RAB15: variants seen among roughly 807,000 people sequenced by gnomAD.
RAB15 encodes the protein ras-related protein Rab-15.
Under a neutral mutation model 31.8 loss-of-function variants are expected in RAB15, and 13 were observed. That is an observed-to-expected ratio of 0.41 (90% CI 0.27 to 0.65). The LOEUF (loss-of-function observed/expected upper bound fraction) is 0.65, where lower values mean the gene tolerates loss of function less well. Ranked by LOEUF, RAB15 falls within the 30% of genes least tolerant of loss-of-function variation. The probability of loss-of-function intolerance (pLI) is 0.32; values close to 1 mark genes in which losing one functional copy is unlikely to be tolerated. For synonymous variants in RAB15, 100 were observed against 105.6 expected (o/e 0.95, Z 0.33); for missense variants, 220 against 277.3 (o/e 0.79, Z 1.47).
chr14:64,949,088 G>T (rs1210181759), intron 5 of RAB15, among the ~76,000 whole-genome samples: 1 of 152,234 alleles, frequency 6.6e-6, no homozygotes, highest in African/African-American at 2.4e-5. Context: ...TGCCACTGAT[G>T]GCTAGCTGTG....
rs1432469727 is a variant in RAB15 at position 64,955,228 on chromosome 14, C to T, written c.125-2657G>A. 6.6e-6 allele frequency among the ~76,000 whole-genome samples: 1 copy of T among 152,110 alleles called. No homozygotes were observed. Among genetic ancestry groups the T allele is most frequent in the East Asian group, 1.9e-4 (1 of 5,196 alleles). ...AAGTCTATGTCTTCTGAAGGATTTT[C>T]CTTCCTCCCTCCCCGCCCACACAAC... On this transcript the variant is annotated intron_variant, in intron 1 of 6. Coordinates refer to ENST00000533601, the MANE Select transcript of RAB15 (RefSeq NM_001308154.2). This position sits in a 1 kb window ranked among gnomAD's most constrained non-coding sequence, Gnocchi z 4.4.
In RAB15 at chr14:64,951,448, G is replaced by A. The variant is rs946340037; in HGVS notation, c.246+155C>T. ...AGTGAGTGGGCCATGAACAATGGAC[G>A]GACAAATGATCAGTGAACAGCTGAA... On this transcript the variant is annotated intron_variant, in intron 3 of 6. Transcript: ENST00000533601. The surrounding 1 kb of genome is among the most constrained non-coding windows in gnomAD (Gnocchi z 7.2). Among the ~76,000 whole-genome samples, 35 of 152,206 alleles carry A rather than the reference G, an allele frequency of 2.3e-4. No homozygotes were observed. The highest frequency in any genetic ancestry group is 2.1e-4 in the South Asian group (1 of 4,828).
At chr14:64,964,518 C>CAAAAAAAA (rs1257040368) in intron 1 of RAB15, among the ~76,000 whole-genome samples, 1 of 71,932 alleles carries the variant, frequency 1.4e-5, no homozygotes, top group African/African-American at 6.2e-5. Flanking sequence ...GACTCTGTTT[C>CAAAAAAAA]AAAAAAAAAA....
chr14:64,953,050 G>A lies in RAB15; in HGVS notation c.125-479C>T, dbSNP rs1281475295. On this transcript the variant is annotated intron_variant, in intron 1 of 6. Transcript: ENST00000533601. This position sits in a 1 kb window ranked among gnomAD's most constrained non-coding sequence, Gnocchi z 4.6. ...GAAGGGGTCATAGTGCCAGACTGTG[G>A]AGAGAGAGGAGGGCTCTTCCAACCC... 6.6e-6 allele frequency among the ~76,000 whole-genome samples: 1 copy of A among 152,158 alleles called. No individual in the cohort carries two copies. The highest frequency in any genetic ancestry group is 2.4e-5 in the African/African-American group (1 of 41,422).
At position 64,964,379 on chromosome 14, in the gene RAB15, C is replaced by T. The variant is rs138808345; in HGVS notation, c.124+7574G>A. On this transcript the variant is annotated intron_variant, in intron 1 of 6. Transcript: ENST00000533601. ...TGTACTAAAATACAAAAACTTAGCC[C>T]AGCGTGGTGGTGCGTGCCTGTAGTC... 5.3e-5 allele frequency among the ~76,000 whole-genome samples: 8 copies of T among 151,584 alleles called. No homozygotes were observed. In the East Asian group the frequency reaches 1.6e-3, roughly 30 times the overall value.
rs773166082 is a variant in RAB15 at position 64,948,772 on chromosome 14, G to A, written c.415-39C>T. 8 of 1,583,982 alleles carry A rather than the reference G, an allele frequency of 5.1e-6. No individual in the cohort carries two copies. Among genetic ancestry groups the A allele is most frequent in the Non-Finnish European group, 6.9e-6 (8 of 1,153,962 alleles). The stretch of plus-strand genomic sequence containing the variant: ...ACATTTCTGAAAGAGAGTCAGTAAG[G>A]CAGGGGAGGGGCCCATACAACCAGG... On this transcript the variant is annotated intron_variant, in intron 5 of 6. Transcript: ENST00000533601. This position sits in a 1 kb window ranked among gnomAD's most constrained non-coding sequence, Gnocchi z 7.0.
rs949771268 is a variant in RAB15, at chr14:64,955,578, C to A, written c.125-3007G>T. On this transcript the variant is annotated intron_variant, in intron 1 of 6. Transcript: ENST00000533601. This position sits in a 1 kb window ranked among gnomAD's most constrained non-coding sequence, Gnocchi z 4.4. The stretch of plus-strand genomic sequence containing the variant: ...GTGTGTTCACCTATCACTGTCCCCC[C>A]ACTGAAGACTTCAGCTCCAGGGCAC... Among the ~76,000 whole-genome samples the A allele has an allele frequency of 2.0e-5, 3 of 152,120 alleles. No homozygotes were observed. Among genetic ancestry groups the A allele is most frequent in the Non-Finnish European group, 2.9e-5 (2 of 68,022 alleles).
rs949771268 is a variant in RAB15 at position 64,955,578 on chromosome 14, C to G, written c.125-3007G>C. ...GTGTGTTCACCTATCACTGTCCCCC[C>G]ACTGAAGACTTCAGCTCCAGGGCAC... On this transcript the variant is annotated intron_variant, in intron 1 of 6. Coordinates refer to ENST00000533601, the MANE Select transcript of RAB15 (RefSeq NM_001308154.2). The surrounding 1 kb of genome is among the most constrained non-coding windows in gnomAD (Gnocchi z 4.4). 8.5e-5 allele frequency among the ~76,000 whole-genome samples: 13 copies of G among 152,120 alleles called. No homozygotes were observed. Among genetic ancestry groups the G allele is most frequent in the South Asian group, 2.1e-4 (1 of 4,820 alleles).
At chr14:64,959,371 C>T (rs997071556) in intron 1 of RAB15, among the ~76,000 whole-genome samples, 2 of 152,192 alleles carry the variant, frequency 1.3e-5, no homozygotes, top group Non-Finnish European at 2.9e-5. Context: ...GAAGGAAGAC[C>T]TCCTAAACCA....
At chr14:64,961,778 A>G (rs981253899) in intron 1 of RAB15, among the ~76,000 whole-genome samples, 1 of 152,090 alleles carries the variant, frequency 6.6e-6, no homozygotes, top group Non-Finnish European at 1.5e-5. Flanking sequence ...GTGTGGTGGT[A>G]TATACCAGTG....
In RAB15 at chr14:64,954,602, G is replaced by T; in HGVS notation, c.125-2031C>A. ...CTGCACAGTGCTCAGTGCAGACAGA[G>T]CAGTGAAAAAGACATGGCCCCTGCC... On this transcript the variant is annotated intron_variant, in intron 1 of 6. Coordinates refer to ENST00000533601, the MANE Select transcript of RAB15 (RefSeq NM_001308154.2). The surrounding 1 kb of genome is among the most constrained non-coding windows in gnomAD (Gnocchi z 4.3). 3 of 898,258 alleles carry T rather than the reference G, an allele frequency of 3.3e-6. No homozygotes were observed. Among genetic ancestry groups the T allele is most frequent in the Non-Finnish European group, 4.0e-6 (3 of 750,590 alleles). The allele number at this position is 898,258 out of a possible 1,614,324, so 55.6% of individuals were successfully genotyped here. A position where few individuals can be genotyped will look rare whatever the true frequency, so the allele number is the denominator to read the frequency against.
rs530257288 is a variant in RAB15 at position 64,947,517 on chromosome 14, C to G, written c.*837G>C. On this transcript the variant is annotated 3_prime_UTR_variant, in exon 7 of 7. Coordinates refer to ENST00000533601, the MANE Select transcript of RAB15 (RefSeq NM_001308154.2). This position sits in a 1 kb window ranked among gnomAD's most constrained non-coding sequence, Gnocchi z 5.6. ...GGAGGTGACTTTTTATCCCTGCCAC[C>G]CCTCATTTTGTTTCCTTCTCTGAAG... 2.0e-5 allele frequency: 3 copies of G among 152,672 alleles called. No individual in the cohort carries two copies. Among genetic ancestry groups the G allele is most frequent in the Non-Finnish European group, 4.4e-5 (3 of 68,086 alleles). The allele number at this position is 152,672 out of a possible 1,614,324, so 9.5% of individuals were successfully genotyped here.
chr14:64,962,181 C>T lies in RAB15; in HGVS notation c.125-9610G>A, dbSNP rs1269748308. On this transcript the variant is annotated intron_variant, in intron 1 of 6. Transcript: ENST00000533601. The surrounding 1 kb of genome is among the most constrained non-coding windows in gnomAD (Gnocchi z 4.2). ...AGTGAGCCAAGATTGTGCCACTGCACTCCAGCCTGGGGGATACAGTGAGAC... is the reference window on the plus strand; with the variant it reads ...AGTGAGCCAAGATTGTGCCACTGCATTCCAGCCTGGGGGATACAGTGAGAC... Among the ~76,000 whole-genome samples, 1 of 152,190 alleles carries T rather than the reference C, an allele frequency of 6.6e-6. No individual in the cohort carries two copies. Among genetic ancestry groups the T allele is most frequent in the South Asian group, 2.1e-4 (1 of 4,834 alleles).
chr14:64,957,101 TA>T (rs1886618761), intron 1 of RAB15, among the ~76,000 whole-genome samples: 1 of 139,184 alleles, frequency 7.2e-6, no homozygotes, highest in Non-Finnish European at 1.6e-5. Context: ...CATGCCCAGC[TA>T]ATTTTTTTTT....
At chr14:64,967,827 A>T (rs1357575239) in intron 1 of RAB15, among the ~76,000 whole-genome samples, 1 of 152,166 alleles carries the variant, frequency 6.6e-6, no homozygotes, top group Non-Finnish European at 1.5e-5. Context: ...CTGGAGGGAA[A>T]GTAGAACAAC....
chr14:64,966,277 C>G (rs140595595), intron 1 of RAB15, among the ~76,000 whole-genome samples: 13 of 152,142 alleles, frequency 8.5e-5, no homozygotes, highest in Non-Finnish European at 1.9e-4. Flanking sequence ...AGCGCCTGAA[C>G]GACTGAGTGC....
chr14:64,960,667 A>G lies in RAB15; in HGVS notation c.125-8096T>C, dbSNP rs370418781. On this transcript the variant is annotated intron_variant, in intron 1 of 6. Transcript: ENST00000533601. ...AGGGTCTGGCACGCAGAACTTTATT[A>G]AATGTTAGCAGAAGCAGCCGTCAAG... Among the ~76,000 whole-genome samples, 56 of 152,246 alleles carry G rather than the reference A, an allele frequency of 3.7e-4. No homozygotes were observed. In the South Asian group the frequency reaches 0.012, roughly 32 times the overall value.
Position 64,954,625 on chromosome 14 carries a change from G to T in RAB15, c.125-2054C>A. The T allele has an allele frequency of 1.4e-6, 1 of 705,508 alleles. No homozygotes were observed. The highest frequency in any genetic ancestry group is 1.7e-6 in the Non-Finnish European group (1 of 574,298). 43.7% of individuals were successfully genotyped at this position (705,508 alleles called of 1,614,324 possible). ...GAGCAGTGAAAAAGACATGGCCCCT[G>T]CCCTCAGAGAGCCTAGTGGAAAGGA... is the stretch of plus-strand genomic sequence containing the variant. On this transcript the variant is annotated intron_variant, in intron 1 of 6. Coordinates refer to ENST00000533601, the MANE Select transcript of RAB15 (RefSeq NM_001308154.2). This position sits in a 1 kb window ranked among gnomAD's most constrained non-coding sequence, Gnocchi z 4.3.
In RAB15 at chr14:64,951,759, AGCT is replaced by A; in HGVS notation, c.186-99_186-97del. ...TGTCCCCTTGTAGGAAAAACTGGGG[AGCT>A]AAAGGGTGAAAAACCAGGGATGCTT... On this transcript the variant is annotated intron_variant, in intron 2 of 6. Transcript: ENST00000533601. This position sits in a 1 kb window ranked among gnomAD's most constrained non-coding sequence, Gnocchi z 7.2. 9.3e-7 allele frequency: 1 copy of A among 1,072,392 alleles called. No homozygotes were observed. The highest frequency in any genetic ancestry group is 1.7e-5 in the Admixed American group (1 of 57,498). The allele number at this position is 1,072,392 out of a possible 1,614,324, so 66.4% of individuals were successfully genotyped here. A position where few individuals can be genotyped will look rare whatever the true frequency, so the allele number is the denominator to read the frequency against.
Sources: allele counts gnomAD v4.1 joint callset (sites outside exome capture counted in the v4.1 genomes callset), GRCh38; gene constraint gnomAD v4.1.1; non-coding constraint Gnocchi (gnomAD v3.1); transcripts MANE v1.5; gene names NCBI Gene and HGNC (gene_info 2026-07-23, HGNC 2026-07-21).